BEND4: variants seen among roughly 807,000 people sequenced by gnomAD.
BEND4 encodes the protein BEN domain-containing protein 4.
In BEND4, 27 loss-of-function variants were observed where a neutral mutation model predicts 54.7. The observed-to-expected ratio is 0.49, with a 90% CI of 0.36 to 0.68. The LOEUF is 0.68. Ranked by LOEUF, BEND4 falls within the 30% of genes least tolerant of loss-of-function variation. BEND4 has a pLI of 0.00. For missense variants in BEND4, 702 were observed against 697.2 expected, an observed-to-expected ratio of 1.01 and a Z score of -0.08; for synonymous variants, 327 against 299.5, an observed-to-expected ratio of 1.09 and a Z score of -0.95.
intron 3 of BEND4, among the ~76,000 whole-genome samples, chr4:42,133,994 A>G (rs560688711): frequency 2.0e-4 from 30 of 152,356 alleles, no homozygotes; most frequent in African/African-American, 6.5e-4. Flanking sequence ...TAAGATTGGG[A>G]GTCTAGTGAA....
intron 3 of BEND4, among the ~76,000 whole-genome samples, chr4:42,135,087 G>A (rs1720652008): frequency 6.6e-6 from 1 of 152,216 alleles, no homozygotes; most frequent in Admixed American, 6.5e-5. Context: ...GTCTGGTATG[G>A]GAGGGACTGG....
intron 2 of BEND4, among the ~76,000 whole-genome samples, chr4:42,146,239 G>C (rs529211333): frequency 6.6e-6 from 1 of 152,284 alleles, no homozygotes; most frequent in South Asian, 2.1e-4. Context: ...TCAGATCCTG[G>C]AAGTGTGGAC....
chr4:42,137,809 T>C (rs1720745441), intron 3 of BEND4, among the ~76,000 whole-genome samples: 1 of 152,170 alleles, frequency 6.6e-6, no homozygotes, highest in African/African-American at 2.4e-5. Context: ...GAATAGATAC[T>C]TCTCCAAAGA....
chr4:42,141,167 C>T (rs1303657092), intron 3 of BEND4, among the ~76,000 whole-genome samples: 1 of 152,172 alleles, frequency 6.6e-6, no homozygotes, highest in Non-Finnish European at 1.5e-5. Context: ...TACTCGTCTG[C>T]ATCTAACCCC....
intron 5 of BEND4, 174 bp downstream of exon 5, chr4:42,119,880 C>T (rs547199257): frequency 7.1e-5 from 51 of 721,782 alleles, no homozygotes; most frequent in Admixed American, 5.1e-4. Context: ...CTAAGGCAAA[C>T]GGAGGTTTTT....
At chr4:42,131,240 A>G (rs1372950279) in intron 3 of BEND4, among the ~76,000 whole-genome samples, 1 of 152,200 alleles carries the variant, frequency 6.6e-6, no homozygotes, top group East Asian at 1.9e-4. Flanking sequence ...AAAATAAAAT[A>G]AATTTACATT....
At chr4:42,139,831 G>A (rs770910252) in intron 3 of BEND4, among the ~76,000 whole-genome samples, 2 of 152,182 alleles carry the variant, frequency 1.3e-5, no homozygotes, top group African/African-American at 4.8e-5. Flanking sequence ...CCACAGAAAT[G>A]TACTAGCCTC....
intron 3 of BEND4, among the ~76,000 whole-genome samples, chr4:42,138,405 T>C (rs953933515): frequency 6.6e-6 from 1 of 151,858 alleles, no homozygotes; most frequent in African/African-American, 2.4e-5. Flanking sequence ...GAGAACAAAA[T>C]AGTAGCTACA....
At chr4:42,139,656 C>G (rs1315194304) in intron 3 of BEND4, among the ~76,000 whole-genome samples, 1 of 151,970 alleles carries the variant, frequency 6.6e-6, no homozygotes, top group African/African-American at 2.4e-5. Flanking sequence ...GGAACGCTAC[C>G]TGGGCTCTGA....
At chr4:42,146,921 T>C (rs1337594835) in intron 2 of BEND4, among the ~76,000 whole-genome samples, 1 of 152,170 alleles carries the variant, frequency 6.6e-6, no homozygotes, top group African/African-American at 2.4e-5. Flanking sequence ...AGTATAGATT[T>C]TAAGGGAAAA....
intron 3 of BEND4, among the ~76,000 whole-genome samples, chr4:42,135,688 T>C (rs1217699079): frequency 1.3e-5 from 2 of 152,036 alleles, no homozygotes; most frequent in African/African-American, 4.8e-5. Flanking sequence ...GGCAGGAGAA[T>C]GGCATGAACC....
At position 42,152,605 on chromosome 4, in the gene BEND4, G is replaced by C. The variant is rs1394085574; in HGVS notation, c.-307C>G. On this transcript the variant is annotated 5_prime_UTR_variant, in exon 1 of 6. It adds an upstream start codon to the 5' untranslated region. Coordinates refer to ENST00000502486, the MANE Select transcript of BEND4 (RefSeq NM_207406.4). ...GCTACGGCGAGACTTTAGAGACCCA[G>C]ATGTGGACTCGAGGCTTCTGCGGCT... is the stretch of plus-strand genomic sequence containing the variant. 1 of 154,196 alleles carries C rather than the reference G, an allele frequency of 6.5e-6. No homozygotes were observed. Among genetic ancestry groups the C allele is most frequent in the Non-Finnish European group, 1.5e-5 (1 of 68,460 alleles). 9.6% of individuals were successfully genotyped at this position (154,196 alleles called of 1,614,324 possible).
Position 42,143,749 on chromosome 4 carries a change from A to C in BEND4, c.733T>G (p.Phe245Val), listed in dbSNP as rs749141917. 6.2e-7 allele frequency: 1 copy of C among 1,614,024 alleles called. No homozygotes were observed. The highest frequency in any genetic ancestry group is 1.1e-5 in the South Asian group (1 of 91,076). The change falls in exon 3 of 6, where the codon TTT (phenylalanine) becomes GTT (valine). Residue 245 changes from phenylalanine to valine, a missense_variant. Transcript: ENST00000502486. The stretch of plus-strand genomic sequence containing the variant: ...AGAGAGTCAGTGAAAACCCTCAAAA[A>C]GGCAGAAGTTTGTTGTTTCCTTTGC... ...YMQRKQQTSA[F>V]LRVFTDSLQN...
intron 2 of BEND4, among the ~76,000 whole-genome samples, chr4:42,150,415 T>C (rs1397893088): frequency 6.6e-6 from 1 of 152,218 alleles, no homozygotes; most frequent in Non-Finnish European, 1.5e-5. Flanking sequence ...CTATAACCTG[T>C]AATTAGGTTT....
intron 3 of BEND4, among the ~76,000 whole-genome samples, chr4:42,129,309 A>G (rs1720416442): frequency 1.3e-5 from 2 of 152,234 alleles, no homozygotes; most frequent in African/African-American, 2.4e-5. Flanking sequence ...TTCCATGCTC[A>G]TGGATAGGAA....
Position 42,114,041 on chromosome 4 carries a change from A to G in BEND4, c.*3477T>C, listed in dbSNP as rs191362349. The stretch of plus-strand genomic sequence containing the variant: ...AGTACTTGTAAAATGTTCAAGTAAA[A>G]TGAGAAAGTACTTGTAAAATTGAAA... On this transcript the variant is annotated 3_prime_UTR_variant, in exon 6 of 6. Coordinates refer to ENST00000502486, the MANE Select transcript of BEND4 (RefSeq NM_207406.4). 3.9e-5 allele frequency: 6 copies of G among 152,344 alleles called. No individual in the cohort carries two copies. The highest frequency in any genetic ancestry group is 1.9e-4 in the East Asian group (1 of 5,186). The allele number at this position is 152,344 out of a possible 1,614,324, so 9.4% of individuals were successfully genotyped here. A position where few individuals can be genotyped will look rare whatever the true frequency, so the allele number is the denominator to read the frequency against.
intron 2 of BEND4, among the ~76,000 whole-genome samples, chr4:42,145,724 C>G (rs1379956828): frequency 6.6e-6 from 1 of 151,870 alleles, no homozygotes; most frequent in Non-Finnish European, 1.5e-5. Flanking sequence ...TATGTAAAGC[C>G]CATATAGCAC....
chr4:42,143,724 A>T lies in BEND4; in HGVS notation c.758T>A (p.Leu253Gln). The T allele has an allele frequency of 6.2e-6, 10 of 1,614,046 alleles. No homozygotes were observed. Among genetic ancestry groups the T allele is most frequent in the Non-Finnish European group, 8.5e-6 (10 of 1,179,894 alleles). The part of the protein sequence containing the change: ...SAFLRVFTDS[L>Q]QNYLLSGSFP... The stretch of plus-strand genomic sequence containing the variant: ...GCTTCCCGAGAGCAGGTAATTTTGT[A>T]GAGAGTCAGTGAAAACCCTCAAAAA... Residue 253 changes from leucine (L) to glutamine (Q), a missense_variant, in exon 3 of 6, where the codon CTA becomes CAA. Leu to Gln is a moderately radical substitution (Grantham distance 113). Transcript: ENST00000502486.
Position 42,110,959 on chromosome 4 carries a change from T to C in BEND4, c.*6559A>G, listed in dbSNP as rs576991854. 1.1e-4 allele frequency: 17 copies of C among 152,224 alleles called. No homozygotes were observed. The highest frequency in any genetic ancestry group is 2.4e-4 in the Non-Finnish European group (16 of 68,046). The allele number at this position is 152,224 out of a possible 1,614,324, so 9.4% of individuals were successfully genotyped here. On this transcript the variant is annotated 3_prime_UTR_variant, in exon 6 of 6. Transcript: ENST00000502486. ...ACACTTAACAGAGACTTGACATTTA[T>C]TGTGCAATTTTATCCCCAACAGAAC...
Sources: allele counts gnomAD v4.1 joint callset (sites outside exome capture counted in the v4.1 genomes callset), GRCh38; gene constraint gnomAD v4.1.1; transcripts MANE v1.5; gene names NCBI Gene and HGNC (gene_info 2026-07-23, HGNC 2026-07-21).